ZNF438: variants seen among roughly 807,000 people sequenced by gnomAD.
The protein encoded by ZNF438 is zinc finger protein 438.
Under a neutral mutation model 38.0 loss-of-function variants are expected in ZNF438, and 25 were observed. The ratio of observed to expected loss-of-function variants is 0.66; its 90% CI spans 0.48 to 0.92. ZNF438 has a LOEUF of 0.92. ZNF438 is among the 40% of genes least tolerant of loss of function. The pLI, the probability that ZNF438 is intolerant of heterozygous loss-of-function variation, is 0.00. For missense variants in ZNF438, 1,007 were observed against 999.6 expected, an observed-to-expected ratio of 1.01 and a Z score of -0.10; for synonymous variants, 372 against 364.1, an observed-to-expected ratio of 1.02 and a Z score of -0.25.
chr10:30,953,631 T>TATA (rs1199237326), intron 1 of ZNF438, among the ~76,000 whole-genome samples: 1 of 135,180 alleles, frequency 7.4e-6, no homozygotes. Context: ...AAACTTAAAA[T>TATA]ATAATAATAA....
At chr10:30,976,743 A>T (rs1020253018) in intron 1 of ZNF438, among the ~76,000 whole-genome samples, 1 of 147,314 alleles carries the variant, frequency 6.8e-6, no homozygotes, top group African/African-American at 2.6e-5. Context: ...TATTTAATAA[A>T]AAAAAAAAAA....
At chr10:30,858,561 T>C (rs1202533358) in intron 4 of ZNF438, among the ~76,000 whole-genome samples, 2 of 152,210 alleles carry the variant, frequency 1.3e-5, no homozygotes, top group Non-Finnish European at 2.9e-5. Context: ...CTGTAAAACG[T>C]GCCGGCAATA....
At chr10:30,845,478 T>C (rs755180929) in exon 6 of ZNF438, 11 of 1,614,176 alleles carry the variant, frequency 6.8e-6, no homozygotes. Context: ...CGCAAAAGAC[T>C]GAGCAGTAAT....
intron 1 of ZNF438, among the ~76,000 whole-genome samples, chr10:31,015,252 T>A (rs2056102293): frequency 6.6e-6 from 1 of 152,180 alleles, no homozygotes; most frequent in African/African-American, 2.4e-5. Flanking sequence ...ACTATTATTA[T>A]CAATATTGTT....
At chr10:30,855,514 T>C (rs774911608) in intron 4 of ZNF438, among the ~76,000 whole-genome samples, 1 of 152,204 alleles carries the variant, frequency 6.6e-6, no homozygotes, top group Non-Finnish European at 1.5e-5. Flanking sequence ...AGGGTCTCCA[T>C]GAAGGTGGTG....
intron 4 of ZNF438, among the ~76,000 whole-genome samples, chr10:30,861,764 T>G (rs2035619356): frequency 2.6e-5 from 3 of 113,376 alleles, no homozygotes; most frequent in Admixed American, 2.6e-4. Flanking sequence ...AAATTATGTT[T>G]GTTTTTAATA....
intron 1 of ZNF438, among the ~76,000 whole-genome samples, chr10:30,972,309 T>C (rs1023097518): frequency 6.6e-6 from 1 of 152,190 alleles, no homozygotes; most frequent in Admixed American, 6.5e-5. Flanking sequence ...CTATTTGAAA[T>C]CATTATAACA....
chr10:31,020,344 C>G (rs187065452), intron 1 of ZNF438, among the ~76,000 whole-genome samples: 85 of 152,238 alleles, frequency 5.6e-4, no homozygotes, highest in African/African-American at 1.9e-3. Context: ...AAGAGAGTCT[C>G]AAGTTTTTAA....
At chr10:31,027,197 A>C (rs2057001257) in intron 1 of ZNF438, among the ~76,000 whole-genome samples, 2 of 152,164 alleles carry the variant, frequency 1.3e-5, no homozygotes, top group African/African-American at 4.8e-5. Context: ...CATATGTAAC[A>C]AACCTGCATG....
In ZNF438 at chr10:30,888,406, C is replaced by T. The variant is rs182856139; in HGVS notation, c.-31-11341G>A. 3.2e-4 allele frequency among the ~76,000 whole-genome samples: 46 copies of T among 145,400 alleles called. No homozygotes were observed. In the East Asian group the frequency reaches 8.5e-3, roughly 27 times the overall value. Reference sequence around the variant, plus strand: ...TATTTTAGGTTCAGGAGTACATGTGCGAGTTTGATATATAGGTAAACTCAT... The same window carrying T: ...TATTTTAGGTTCAGGAGTACATGTGTGAGTTTGATATATAGGTAAACTCAT... On this transcript the variant is annotated intron_variant, in intron 3 of 5. Transcript: ENST00000413025.
intron 1 of ZNF438, among the ~76,000 whole-genome samples, chr10:30,986,723 T>C (rs1393565392): frequency 6.6e-6 from 1 of 152,188 alleles, no homozygotes; most frequent in Admixed American, 6.5e-5. Flanking sequence ...AATGCTCCCA[T>C]GAGTATTTCA....
At chr10:30,973,891 C>T (rs982139278) in intron 1 of ZNF438, among the ~76,000 whole-genome samples, 3 of 152,240 alleles carry the variant, frequency 2.0e-5, no homozygotes, top group Admixed American at 6.5e-5. Context: ...TCTCTGCCCA[C>T]CCTGCGTGTG....
At chr10:31,004,398 G>A (rs1717012072) in intron 1 of ZNF438, among the ~76,000 whole-genome samples, 1 of 152,188 alleles carries the variant, frequency 6.6e-6, no homozygotes, top group Non-Finnish European at 1.5e-5. Context: ...CAACTAGAAT[G>A]GGAGAAGGAA....
At chr10:30,971,851 C>CT (rs1230994814) in intron 1 of ZNF438, among the ~76,000 whole-genome samples, 1 of 152,074 alleles carries the variant, frequency 6.6e-6, no homozygotes, top group Non-Finnish European at 1.5e-5. Flanking sequence ...TGCAAAGAGG[C>CT]TTTCAAAGTC....
At chr10:30,849,133 G>T (rs749572362) in exon 5 of ZNF438, 7 of 1,613,630 alleles carry the variant, frequency 4.3e-6, no homozygotes, top group Non-Finnish European at 5.9e-6. Context: ...CCAGCTTTTG[G>T]TCTCTGAATT....
chr10:30,963,255 G>C (rs1236920147), intron 1 of ZNF438, among the ~76,000 whole-genome samples: 1 of 151,914 alleles, frequency 6.6e-6, no homozygotes, highest in East Asian at 1.9e-4. Context: ...AGCTGGGCAT[G>C]GTGGCGGGCA....
At chr10:30,896,366 T>C (rs916858000) in intron 3 of ZNF438, among the ~76,000 whole-genome samples, 9 of 151,000 alleles carry the variant, frequency 6.0e-5, no homozygotes, top group African/African-American at 1.9e-4. Context: ...TCCATGTTCA[T>C]AGCAGCATTT....
chr10:30,901,400 T>C (rs1317883694), intron 3 of ZNF438, among the ~76,000 whole-genome samples: 1 of 151,508 alleles, frequency 6.6e-6, no homozygotes, highest in Non-Finnish European at 1.5e-5. Context: ...TTACAGTTCT[T>C]AAAGGCGGCA....
chr10:30,886,809 G>GT (rs1007996244), intron 3 of ZNF438, among the ~76,000 whole-genome samples: 2 of 151,892 alleles, frequency 1.3e-5, no homozygotes, highest in South Asian at 2.1e-4. Flanking sequence ...AACTTTTTTT[G>GT]TTTTTTTACT....
Sources: gnomAD v4.1 joint callset for allele counts (sites outside exome capture counted in the v4.1 genomes callset) on GRCh38, gnomAD v4.1.1 for gene constraint, MANE v1.5 for transcripts, NCBI Gene and HGNC (gene_info 2026-07-23, HGNC 2026-07-21) for gene names.